The following DLC1 variants were observed in gnomAD, a reference collection of about 807,000 sequenced individuals.
The protein encoded by DLC1 is DLC1 Rho GTPase activating protein.
A neutral mutation model predicts 140.3 loss-of-function variants in DLC1; 54 were observed. The observed-to-expected ratio is 0.38, with a 90% confidence interval of 0.31 to 0.48. The LOEUF (loss-of-function observed/expected upper bound fraction) is 0.48. Ranked by LOEUF, DLC1 falls within the 20% of genes least tolerant of loss-of-function variation. The probability of loss-of-function intolerance (pLI) is 0.96; values close to 1 mark genes in which losing one functional copy is unlikely to be tolerated. For missense variants in DLC1, 2,536 were observed against 1,907.0 expected, an observed-to-expected ratio of 1.33 and a Z score of -6.14; for synonymous variants, 986 against 728.1, an observed-to-expected ratio of 1.35 and a Z score of -5.70.
At position 13,447,744 on chromosome 8, in the gene DLC1, G is replaced by C. The variant is rs191021279; in HGVS notation, c.1024-46125C>G. Among the ~76,000 whole-genome samples the C allele has an allele frequency of 2.3e-3, 356 of 152,248 alleles. 5 individuals are homozygous for C. The highest frequency in any genetic ancestry group is 6.9e-4 in the Non-Finnish European group (47 of 68,010). On this transcript the variant is annotated intron_variant, in intron 2 of 17. Coordinates refer to ENST00000276297, the MANE Select transcript of DLC1 (RefSeq NM_182643.3). The stretch of plus-strand genomic sequence containing the variant: ...TTTTCTAATATTTGCTTCTATGCTG[G>C]AGTATGAGGTGTTATTAGTGTTGTT...
At chr8:13,426,968 C>T (rs765378450) in intron 2 of DLC1, among the ~76,000 whole-genome samples, 3 of 152,110 alleles carry the variant, frequency 2.0e-5, no homozygotes, top group Non-Finnish European at 4.4e-5. Flanking sequence ...ACTTGCCGTG[C>T]TTAAGTATGA....
At chr8:13,517,057 T>C (rs1802611175), upstream of DLC1, among the ~76,000 whole-genome samples, 1 of 152,214 alleles carries the variant, frequency 6.6e-6, no homozygotes, top group African/African-American at 2.4e-5. Context: ...AACTTATAGA[T>C]TGGAAAGCAG....
chr8:13,122,183 T>C (rs1821143153), intron 5 of DLC1, among the ~76,000 whole-genome samples: 1 of 152,196 alleles, frequency 6.6e-6, no homozygotes, highest in South Asian at 2.1e-4. Flanking sequence ...CTTAGAATTC[T>C]TTAGTGACTT....
At chr8:13,413,256 A>ATTTTTTTGTTTTTTTTTTTTTT (rs1837875954) in intron 2 of DLC1, among the ~76,000 whole-genome samples, 1 of 82,006 alleles carries the variant, frequency 1.2e-5, no homozygotes, top group Non-Finnish European at 2.3e-5. Context: ...TTTTTTTGCG[A>ATTTTTTTGTTTTTTTTTTTTTT]TTTTTTTTTT....
rs148899582 is a variant in DLC1 at position 13,119,467 on chromosome 8, C to T, written c.1349-3810G>A. Among the ~76,000 whole-genome samples, 1,272 of 152,228 alleles carry T rather than the reference C, an allele frequency of 8.4e-3. 18 individuals are homozygous for T. The highest frequency in any genetic ancestry group is 0.029 in the African/African-American group (1,197 of 41,528). The stretch of plus-strand genomic sequence containing the variant: ...TGCCACCTCCTCCATGCAGTCTTCC[C>T]ATTTACCTCTCAACAGTTCTATATC... On this transcript the variant is annotated intron_variant, in intron 5 of 17. Transcript: ENST00000276297.
chr8:13,554,193 A>G (rs1803965493), intron 1 of DLC1, among the ~76,000 whole-genome samples: 1 of 152,044 alleles, frequency 6.6e-6, no homozygotes, highest in South Asian at 2.1e-4. Flanking sequence ...CAGCCTCCCG[A>G]GTAGCTGGAA....
chr8:13,386,493 G>A (rs1405083696), intron 4 of DLC1, among the ~76,000 whole-genome samples: 4 of 152,082 alleles, frequency 2.6e-5, no homozygotes, highest in African/African-American at 7.2e-5. Context: ...ATATGAGGAG[G>A]TGACCGTGAA....
rs769279081 is a variant in DLC1, at chr8:13,499,766, G to A, written c.306C>T (p.Ala102=). Residue 102 remains alanine, a synonymous_variant, in exon 2 of 18, where the codon GCC becomes GCT. Coordinates refer to ENST00000276297, the MANE Select transcript of DLC1 (RefSeq NM_182643.3). ...AAACATGCACTAGTGTTTCTGTGCT[G>A]GCTTCCAGAGAAAGAAACTGATCTT... ...EGEDQFLSLE[A]STETLVHVSD... The A allele has an allele frequency of 6.2e-7, 1 of 1,613,980 alleles. No individual in the cohort carries two copies.
At chr8:13,265,210 C>T (rs1411933367) in intron 5 of DLC1, among the ~76,000 whole-genome samples, 1 of 152,086 alleles carries the variant, frequency 6.6e-6, no homozygotes, top group African/African-American at 2.4e-5. Context: ...TTTATTAATT[C>T]ACTGAAATAT....
At chr8:13,311,938 A>G (rs1832677358) in intron 4 of DLC1, among the ~76,000 whole-genome samples, 1 of 152,130 alleles carries the variant, frequency 6.6e-6, no homozygotes, top group South Asian at 2.1e-4. Flanking sequence ...CCTGCAGAAT[A>G]TTTTACTCCA....
intron 5 of DLC1, among the ~76,000 whole-genome samples, chr8:13,250,411 A>G (rs1285282139): frequency 1.3e-5 from 2 of 152,190 alleles, no homozygotes; most frequent in East Asian, 3.9e-4. Context: ...AATGACTTCT[A>G]GAGTTCTGGA....
intron 2 of DLC1, among the ~76,000 whole-genome samples, chr8:13,469,062 G>A (rs952698750): frequency 4.6e-5 from 7 of 151,540 alleles, no homozygotes; most frequent in South Asian, 2.1e-4. Context: ...CTCGTGATCT[G>A]CCTGCCTCAG....
At chr8:13,429,788 G>A (rs114225013) in intron 2 of DLC1, among the ~76,000 whole-genome samples, 135 of 152,154 alleles carry the variant, frequency 8.9e-4, no homozygotes, top group African/African-American at 3.1e-3. Context: ...TTTCAGCTAC[G>A]TATAACTTAA....
At chr8:13,506,665 G>A (rs894571320) in intron 1 of DLC1, among the ~76,000 whole-genome samples, 1 of 149,824 alleles carries the variant, frequency 6.7e-6, no homozygotes, top group Non-Finnish European at 1.5e-5. Context: ...GTGTGCATAT[G>A]TATGTATATA....
intron 5 of DLC1, among the ~76,000 whole-genome samples, chr8:13,143,848 G>GAGAGAGAGAGAGAGAC (rs1490009372): frequency 2.7e-5 from 4 of 147,814 alleles, no homozygotes; most frequent in East Asian, 3.9e-4. Flanking sequence ...GAGAGAGAGA[G>GAGAGAGAGAGAGAGAC]AGAGACATAG....
chr8:13,572,404 T>C (rs918125710), intron 1 of DLC1, among the ~76,000 whole-genome samples: 4 of 152,204 alleles, frequency 2.6e-5, no homozygotes, highest in Non-Finnish European at 5.9e-5. Context: ...ATCAGATATA[T>C]GATTTGCAAG....
rs57039757 is a variant in DLC1, at chr8:13,202,090, T to G, written c.1349-86433A>C. Among the ~76,000 whole-genome samples, 595 of 151,824 alleles carry G rather than the reference T, an allele frequency of 3.9e-3. 7 individuals are homozygous for G. The highest frequency in any genetic ancestry group is 0.013 in the African/African-American group (549 of 41,418). On this transcript the variant is annotated intron_variant, in intron 5 of 17. Coordinates refer to ENST00000276297, the MANE Select transcript of DLC1 (RefSeq NM_182643.3). ...CCTACCAAGTAGCTGGGACTACCAG[T>G]GCGCGCCAAAACGCCCAGTTAATTT...
At chr8:13,119,616 C>G (rs752405918) in intron 5 of DLC1, among the ~76,000 whole-genome samples, 1 of 152,094 alleles carries the variant, frequency 6.6e-6, no homozygotes, top group Non-Finnish European at 1.5e-5. Context: ...GAGATAAACA[C>G]ATGAGGAAAC....
At chr8:13,501,981 C>G (rs1486614180) in intron 1 of DLC1, among the ~76,000 whole-genome samples, 2 of 152,126 alleles carry the variant, frequency 1.3e-5, no homozygotes, top group African/African-American at 4.8e-5. Context: ...AGCCGGCTCA[C>G]TTAAGAAATA....
Sources: allele counts gnomAD v4.1 joint callset (sites outside exome capture counted in the v4.1 genomes callset), GRCh38; gene constraint gnomAD v4.1.1; transcripts MANE v1.5; gene names NCBI Gene and HGNC (gene_info 2026-07-23, HGNC 2026-07-21).